Variants in RNF115 observed in about 807,000 individuals in gnomAD.
The protein encoded by RNF115 is ring finger protein 115.
RNF115 carries 31 observed loss-of-function variants against 39.2 expected under a neutral mutation model. That is an observed-to-expected ratio of 0.79 (90% confidence interval 0.59 to 1.07). RNF115 has a LOEUF of 1.07. RNF115 is among the 50% of genes least tolerant of loss of function. RNF115 has a pLI of 0.00. For synonymous variants in RNF115, 124 were observed against 131.0 expected, an observed-to-expected ratio of 0.95 and a Z score of 0.37; for missense variants, 384 against 381.7, an observed-to-expected ratio of 1.01 and a Z score of -0.05.
At chr1:145,756,063 G>T (rs1553713122) in intron 4 of RNF115, among the ~76,000 whole-genome samples, 1 of 152,122 alleles carries the variant, frequency 6.6e-6, no homozygotes, top group Non-Finnish European at 1.5e-5. Context: ...ATTAGTAAAT[G>T]ACACTAAAAT....
intron 1 of RNF115, among the ~76,000 whole-genome samples, chr1:145,802,337 C>T (rs1649287512): frequency 6.6e-6 from 1 of 152,022 alleles, no homozygotes; most frequent in Admixed American, 6.6e-5. Context: ...CAAGAGGACA[C>T]AAAGCACTAG....
At chr1:145,811,360 A>C in intron 1 of RNF115, among the ~76,000 whole-genome samples, 1 of 144,836 alleles carries the variant, frequency 6.9e-6, no homozygotes, top group Non-Finnish European at 1.5e-5. Flanking sequence ...ACTACCAAAA[A>C]AAAAAAAAAA....
Position 145,824,028 on chromosome 1 carries a change from A to C in RNF115, c.-155T>G. 6 of 512,156 alleles carry C rather than the reference A, an allele frequency of 1.2e-5. No individual in the cohort carries two copies. Among genetic ancestry groups the C allele is most frequent in the African/African-American group, 2.0e-5 (1 of 48,798 alleles). 31.7% of individuals were successfully genotyped at this position (512,156 alleles called of 1,614,324 possible). A position where few individuals can be genotyped will look rare whatever the true frequency, so the allele number is the denominator to read the frequency against. On this transcript the variant is annotated 5_prime_UTR_variant, in exon 1 of 9. Coordinates refer to ENST00000582693, the MANE Select transcript of RNF115 (RefSeq NM_014455.4). Reference sequence around the variant, plus strand: ...TCACGTGAGTTGGCCAGGCCCAGAAACGCGGCGGCGCCAACAGCTACCCTG... The same window carrying C: ...TCACGTGAGTTGGCCAGGCCCAGAACCGCGGCGGCGCCAACAGCTACCCTG...
chr1:145,781,052 C>T (rs1190917711), intron 3 of RNF115, among the ~76,000 whole-genome samples: 2 of 152,108 alleles, frequency 1.3e-5, no homozygotes, highest in Non-Finnish European at 2.9e-5. Context: ...CACTCTCCAC[C>T]GGCCCTCACA....
chr1:145,781,343 C>T (rs1648139728), intron 3 of RNF115, among the ~76,000 whole-genome samples: 1 of 152,138 alleles, frequency 6.6e-6, no homozygotes, highest in Admixed American at 6.6e-5. Context: ...GCCGAAATTA[C>T]CAACTAAAGC....
At chr1:145,763,075 G>A (rs1203358006) in intron 4 of RNF115, among the ~76,000 whole-genome samples, 3 of 152,252 alleles carry the variant, frequency 2.0e-5, no homozygotes, top group Non-Finnish European at 4.4e-5. Context: ...CTTAGGCCAT[G>A]GGATCATTAG....
intron 7 of RNF115, 86 bp from the exon 8 acceptor site, chr1:145,748,196 A>T (rs1405558702): frequency 7.0e-6 from 6 of 859,484 alleles, no homozygotes; most frequent in South Asian, 1.4e-5. Context: ...AACCCTACGA[A>T]TGCATAAAGA....
chr1:145,792,745 T>C (rs1648734734), intron 1 of RNF115, among the ~76,000 whole-genome samples: 1 of 152,112 alleles, frequency 6.6e-6, no homozygotes, highest in Non-Finnish European at 1.5e-5. Flanking sequence ...GCATGGAGGT[T>C]GGAAGGGAAT....
At chr1:145,808,293 T>C (rs984209364) in intron 1 of RNF115, among the ~76,000 whole-genome samples, 1 of 152,172 alleles carries the variant, frequency 6.6e-6, no homozygotes, top group Admixed American at 6.5e-5. Context: ...CATACTAATT[T>C]ACATTCTCAT....
chr1:145,745,851 C>G lies in RNF115; in HGVS notation c.*1015G>C, dbSNP rs1657855619. The G allele has an allele frequency of 6.6e-6, 1 of 152,006 alleles. No individual in the cohort carries two copies. Among genetic ancestry groups the G allele is most frequent in the South Asian group, 2.1e-4 (1 of 4,816 alleles). 9.4% of individuals were successfully genotyped at this position (152,006 alleles called of 1,614,324 possible). A position where few individuals can be genotyped will look rare whatever the true frequency, so the allele number is the denominator to read the frequency against. On this transcript the variant is annotated 3_prime_UTR_variant, in exon 9 of 9. Transcript: ENST00000582693. ...CTCATTCCCAAAAAGGAATGGGAAT[C>G]AGATTCCTATCAACATAAGGCTCCC...
intron 4 of RNF115, among the ~76,000 whole-genome samples, chr1:145,764,692 C>G (rs1038916344): frequency 2.0e-4 from 30 of 152,020 alleles, no homozygotes; most frequent in Non-Finnish European, 4.1e-4. Context: ...AGCAGCCACT[C>G]GGTCCGGGAG....
At chr1:145,785,026 T>C (rs1410507109) in intron 2 of RNF115, among the ~76,000 whole-genome samples, 29 of 152,212 alleles carry the variant, frequency 1.9e-4, no homozygotes, top group Admixed American at 1.9e-3. Context: ...AATGTAGTAA[T>C]GTAAGGGGCC....
intron 2 of RNF115, among the ~76,000 whole-genome samples, chr1:145,787,668 C>A (rs916626613): frequency 2.0e-5 from 3 of 151,168 alleles, no homozygotes. Context: ...AGGCGGATCA[C>A]TTGAGGTCAG....
chr1:145,791,625 A>G (rs1648672921), intron 1 of RNF115, among the ~76,000 whole-genome samples: 1 of 152,152 alleles, frequency 6.6e-6, no homozygotes. Context: ...CTGTTTATCA[A>G]TGGTTCCAAA....
intron 1 of RNF115, among the ~76,000 whole-genome samples, chr1:145,819,438 T>A (rs1366834337): frequency 2.0e-5 from 3 of 151,992 alleles, no homozygotes; most frequent in Non-Finnish European, 4.4e-5. Flanking sequence ...GGCGACACAG[T>A]GAGACCCTGT....
rs1375040520 is a variant in RNF115, at chr1:145,767,527, G to C, written c.428+4184C>G. 7.3e-5 allele frequency among the ~76,000 whole-genome samples: 11 copies of C among 151,722 alleles called. No homozygotes were observed. In the Middle Eastern group the frequency reaches 0.014, roughly 188 times the overall value. On this transcript the variant is annotated intron_variant, in intron 4 of 8. Coordinates refer to ENST00000582693, the MANE Select transcript of RNF115 (RefSeq NM_014455.4). ...CAGAGAGGCTCCTCACATCCCAGAC[G>C]ATGGGCGGCCAGGCAGAGACGCTCC...
At chr1:145,760,756 G>T (rs1559107458) in intron 4 of RNF115, among the ~76,000 whole-genome samples, 1 of 152,180 alleles carries the variant, frequency 6.6e-6, no homozygotes, top group Non-Finnish European at 1.5e-5. Flanking sequence ...CAGGAGTGGG[G>T]CATTGCTGAA....
chr1:145,751,519 G>A lies in RNF115; in HGVS notation c.501-9C>T. The A allele has an allele frequency of 1.9e-6, 3 of 1,587,152 alleles. No individual in the cohort carries two copies. Among genetic ancestry groups the A allele is most frequent in the South Asian group, 1.1e-5 (1 of 87,448 alleles). ...AGTGCAGCATCCCGCTCCTATACGT[G>A]AGATGAGATAGACAGCATTAGATGG... On this transcript the variant is annotated splice_polypyrimidine_tract_variant and intron_variant, in intron 5 of 8. Transcript: ENST00000582693.
intron 8 of RNF115, 81 bp from the exon 9 acceptor site, chr1:145,747,078 A>T: frequency 7.2e-7 from 1 of 1,381,048 alleles, no homozygotes; most frequent in South Asian, 1.4e-5. Context: ...AACCCTGAGA[A>T]TTGTCACATC....
Sources: allele counts gnomAD v4.1 joint callset (sites outside exome capture counted in the v4.1 genomes callset), GRCh38; gene constraint gnomAD v4.1.1; transcripts MANE v1.5; gene names NCBI Gene and HGNC (gene_info 2026-07-23, HGNC 2026-07-21).